RGP1: variants seen among roughly 807,000 people sequenced by gnomAD.
The protein encoded by RGP1 is RAB6A-GEF complex partner protein 2.
Under a neutral mutation model 44.5 loss-of-function variants are expected in RGP1, and 28 were observed. That is an observed-to-expected ratio of 0.63 (90% confidence interval 0.47 to 0.86). The LOEUF is 0.86. RGP1 is among the 40% of genes least tolerant of loss of function. The pLI, the probability that RGP1 is intolerant of heterozygous loss-of-function variation, is 0.00. For missense variants in RGP1, 417 were observed against 490.7 expected, an observed-to-expected ratio of 0.85 and a Z score of 1.42; for synonymous variants, 212 against 196.7, an observed-to-expected ratio of 1.08 and a Z score of -0.65.
the RGP1 span, among the ~76,000 whole-genome samples, chr9:35,764,970 A>G: frequency 2.6e-5 from 4 of 152,120 alleles, no homozygotes; most frequent in Non-Finnish European, 5.9e-5. Context: ...GACTAAAAAT[A>G]CAAAAACTAG....
chr9:35,782,912 G>A, the RGP1 span, among the ~76,000 whole-genome samples: 1 of 149,568 alleles, frequency 6.7e-6, no homozygotes, highest in Non-Finnish European at 1.5e-5. Flanking sequence ...CGGTTCAAGC[G>A]ATTCTCGTGT....
At chr9:35,777,127 C>CTTTTT in the RGP1 span, among the ~76,000 whole-genome samples, 10 of 82,312 alleles carry the variant, frequency 1.2e-4, 1 homozygote, top group African/African-American at 1.0e-4. Flanking sequence ...AGGTGTTTTT[C>CTTTTT]TTTTTTTTTT....
the RGP1 span, among the ~76,000 whole-genome samples, chr9:35,787,109 T>A: frequency 2.5e-4 from 34 of 138,772 alleles, no homozygotes; most frequent in South Asian, 2.6e-3. Context: ...AAAAAAAAAA[T>A]TTTTTTTTTT....
the RGP1 span, among the ~76,000 whole-genome samples, chr9:35,770,611 AG>A: frequency 6.6e-6 from 1 of 151,720 alleles, no homozygotes. Context: ...TAGAGAAGGA[AG>A]GGTCAGTAAG....
chr9:35,750,767 T>C, intron 4 of RGP1, 26 bp downstream of exon 4: 1 of 1,613,982 alleles, frequency 6.2e-7, no homozygotes, highest in Non-Finnish European at 8.5e-7. Context: ...CATCCCTGAA[T>C]TGCCTTCTAA....
the RGP1 span, among the ~76,000 whole-genome samples, chr9:35,770,525 G>GAGAGAGAA: frequency 7.5e-6 from 1 of 133,518 alleles, no homozygotes; most frequent in Non-Finnish European, 1.6e-5. Flanking sequence ...GAGAGAGAGA[G>GAGAGAGAA]AGAGAGAGAG....
intron 4 of RGP1, 45 bp from the exon 5 acceptor site, chr9:35,750,795 C>G: frequency 1.9e-6 from 3 of 1,613,774 alleles, no homozygotes. Context: ...GGAGGGAGGA[C>G]TCCTCTGGTG....
the RGP1 span, chr9:35,772,302 T>C: frequency 6.6e-6 from 1 of 152,220 alleles, no homozygotes; most frequent in South Asian, 2.1e-4. Context: ...GAAGAGGATC[T>C]TCATCACGGG....
chr9:35,764,666 C>A, the RGP1 span, among the ~76,000 whole-genome samples: 3 of 152,164 alleles, frequency 2.0e-5, no homozygotes, highest in African/African-American at 4.8e-5. Flanking sequence ...TCCTTATTAC[C>A]CTTTGCATTT....
the RGP1 span, among the ~76,000 whole-genome samples, chr9:35,782,099 G>A: frequency 2.0e-5 from 3 of 148,110 alleles, no homozygotes; most frequent in South Asian, 6.5e-4. Flanking sequence ...GGATTCTTGT[G>A]CCTCAGCCTC....
In RGP1 at chr9:35,756,566, G is replaced by A. The variant is rs1406925122; in HGVS notation, c.*3692G>A. 2 of 152,428 alleles carry A rather than the reference G, an allele frequency of 1.3e-5. No homozygotes were observed. The highest frequency in any genetic ancestry group is 2.9e-5 in the Non-Finnish European group (2 of 68,188). 9.4% of individuals were successfully genotyped at this position (152,428 alleles called of 1,614,324 possible). ...CGGCCTGGGCCTGCTCTCTGGGCTG[G>A]AGCAGGTGGATTCGAAGGCCTGTCT... On this transcript the variant is annotated 3_prime_UTR_variant, in exon 9 of 9. Coordinates refer to ENST00000378078, the MANE Select transcript of RGP1 (RefSeq NM_001080496.3).
chr9:35,766,203 G>GTTTTAA, the RGP1 span, among the ~76,000 whole-genome samples: 1 of 149,796 alleles, frequency 6.7e-6, no homozygotes, highest in Non-Finnish European at 1.5e-5. Flanking sequence ...CCTCATTGTG[G>GTTTTAA]TTTTAATTTG....
the RGP1 span, among the ~76,000 whole-genome samples, chr9:35,766,805 TATTG>T: frequency 6.6e-6 from 1 of 152,224 alleles, no homozygotes; most frequent in Non-Finnish European, 1.5e-5. Context: ...CTTCATCTAA[TATTG>T]ATTAAGTAGT....
the RGP1 span, among the ~76,000 whole-genome samples, chr9:35,773,967 C>T: frequency 1.3e-5 from 2 of 152,006 alleles, no homozygotes; most frequent in Non-Finnish European, 2.9e-5. Context: ...CCACACCTGG[C>T]CCGTATTATT....
At chr9:35,750,474 C>G in intron 3 of RGP1, 95 bp downstream of exon 3, 4 of 1,426,746 alleles carry the variant, frequency 2.8e-6, no homozygotes, top group Non-Finnish European at 3.9e-6. Context: ...TGTTCTTGTT[C>G]TTATAGTCCC....
Position 35,755,421 on chromosome 9 carries a change from C to T in RGP1, c.*2547C>T, listed in dbSNP as rs529345932. On this transcript the variant is annotated 3_prime_UTR_variant, in exon 9 of 9. Coordinates refer to ENST00000378078, the MANE Select transcript of RGP1 (RefSeq NM_001080496.3). ...GGGCTTCTATTGGGGATGGCTGTCT[C>T]CTGGCATAGACCTCTGCACCTTTCA... 1 of 152,366 alleles carries T rather than the reference C, an allele frequency of 6.6e-6. No individual in the cohort carries two copies. The highest frequency in any genetic ancestry group is 1.9e-4 in the East Asian group (1 of 5,188). The allele number at this position is 152,366 out of a possible 1,614,324, so 9.4% of individuals were successfully genotyped here. A position where few individuals can be genotyped will look rare whatever the true frequency, so the allele number is the denominator to read the frequency against.
At position 35,755,186 on chromosome 9, in the gene RGP1, C is replaced by T. The variant is rs988216289; in HGVS notation, c.*2312C>T. The T allele has an allele frequency of 6.6e-6, 1 of 152,214 alleles. No homozygotes were observed. Among genetic ancestry groups the T allele is most frequent in the Non-Finnish European group, 1.5e-5 (1 of 68,064 alleles). The allele number at this position is 152,214 out of a possible 1,614,324, so 9.4% of individuals were successfully genotyped here. A position where few individuals can be genotyped will look rare whatever the true frequency, so the allele number is the denominator to read the frequency against. ...GTCAGATTACTTCACCTCTCTGAGC[C>T]TGTTTCCTCATCTATAAATTGGGGA... is the stretch of plus-strand genomic sequence containing the variant. On this transcript the variant is annotated 3_prime_UTR_variant, in exon 9 of 9. Transcript: ENST00000378078.
At chr9:35,764,582 A>G in the RGP1 span, among the ~76,000 whole-genome samples, 9 of 152,326 alleles carry the variant, frequency 5.9e-5, no homozygotes, top group South Asian at 2.1e-4. Flanking sequence ...TAGCAGATGT[A>G]TATACCTGTG....
chr9:35,779,322 C>T, the RGP1 span, among the ~76,000 whole-genome samples: 1 of 152,086 alleles, frequency 6.6e-6, no homozygotes, highest in Non-Finnish European at 1.5e-5. Context: ...CTCCTTTCCC[C>T]CCTTAAAGTA....
Sources: gnomAD v4.1 joint callset for allele counts (sites outside exome capture counted in the v4.1 genomes callset) on GRCh38, gnomAD v4.1.1 for gene constraint, MANE v1.5 for transcripts, NCBI Gene and HGNC (gene_info 2026-07-23, HGNC 2026-07-21) for gene names.